EXOC6B: variants seen among roughly 807,000 people sequenced by gnomAD.
EXOC6B encodes SEC15 homolog B.
EXOC6B carries 54 observed loss-of-function variants against 113.5 expected under a neutral mutation model. The observed-to-expected ratio is 0.48, with a 90% CI of 0.38 to 0.60. The LOEUF is 0.60. EXOC6B is among the 20% of genes least tolerant of loss of function. The probability of loss-of-function intolerance (pLI) is 0.00; values close to 1 mark genes in which losing one functional copy is unlikely to be tolerated. For synonymous variants in EXOC6B, 357 were observed against 339.0 expected (o/e 1.05, Z -0.58); for missense variants, 797 against 977.5 (o/e 0.82, Z 2.46).
intron 6 of EXOC6B, among the ~76,000 whole-genome samples, chr2:72,584,787 A>C (rs1392248751): frequency 2.6e-5 from 4 of 152,230 alleles, no homozygotes; most frequent in African/African-American, 9.6e-5. Flanking sequence ...AAAAGAAAAA[A>C]AATTGAAATC....
At chr2:72,742,465 T>G (rs1290759799) in intron 1 of EXOC6B, among the ~76,000 whole-genome samples, 1 of 152,118 alleles carries the variant, frequency 6.6e-6, no homozygotes, top group East Asian at 1.9e-4. Context: ...AAGCACAGCC[T>G]ATACATGTCT....
At chr2:72,700,273 A>ACACACACACACACACAC (rs1558930132) in intron 6 of EXOC6B, among the ~76,000 whole-genome samples, 5 of 36,958 alleles carry the variant, frequency 1.4e-4, no homozygotes, top group African/African-American at 7.8e-4. Flanking sequence ...CACACACACA[A>ACACACACACACACACAC]AGTTATCCGT....
At chr2:72,627,609 A>C (rs1294498863) in intron 6 of EXOC6B, among the ~76,000 whole-genome samples, 1 of 152,212 alleles carries the variant, frequency 6.6e-6, no homozygotes, top group Non-Finnish European at 1.5e-5. Flanking sequence ...GAAGAGTGTT[A>C]TCAGTTTCCA....
intron 2 of EXOC6B, among the ~76,000 whole-genome samples, chr2:72,741,021 G>A (rs1681282735): frequency 6.6e-6 from 1 of 151,688 alleles, no homozygotes; most frequent in African/African-American, 2.4e-5. Flanking sequence ...GGAGAATGGC[G>A]TGAACCCAGG....
intron 1 of EXOC6B, among the ~76,000 whole-genome samples, chr2:72,789,674 G>C (rs1235827418): frequency 6.6e-6 from 1 of 152,072 alleles, no homozygotes; most frequent in East Asian, 1.9e-4. Context: ...ACTACTAACT[G>C]ATGACACCAA....
At chr2:72,692,649 C>G (rs991511539) in intron 6 of EXOC6B, among the ~76,000 whole-genome samples, 1 of 152,168 alleles carries the variant, frequency 6.6e-6, no homozygotes, top group Non-Finnish European at 1.5e-5. Flanking sequence ...CTGCGCCTGG[C>G]CTTTTTCACT....
At chr2:72,719,873 T>C (rs1488572163) in intron 5 of EXOC6B, among the ~76,000 whole-genome samples, 2 of 152,190 alleles carry the variant, frequency 1.3e-5, no homozygotes, top group African/African-American at 2.4e-5. Flanking sequence ...ACATGCTAAA[T>C]ATGAAAGACA....
At chr2:72,652,534 CATT>C (rs1397058251) in intron 6 of EXOC6B, among the ~76,000 whole-genome samples, 1 of 151,784 alleles carries the variant, frequency 6.6e-6, no homozygotes, top group Non-Finnish European at 1.5e-5. Context: ...CAGATTCTGA[CATT>C]AGTTATTTCT....
At chr2:72,366,577 C>T (rs1445252135) in intron 19 of EXOC6B, among the ~76,000 whole-genome samples, 1 of 151,964 alleles carries the variant, frequency 6.6e-6, no homozygotes, top group Admixed American at 6.6e-5. Flanking sequence ...TATAAACTTG[C>T]ATGTCCAAAC....
chr2:72,728,316 T>C (rs1289073929), intron 5 of EXOC6B, among the ~76,000 whole-genome samples: 2 of 152,202 alleles, frequency 1.3e-5, no homozygotes, highest in Non-Finnish European at 2.9e-5. Flanking sequence ...AATCAGAATC[T>C]ATATTTAACT....
intron 20 of EXOC6B, among the ~76,000 whole-genome samples, chr2:72,310,795 A>G (rs953399604): frequency 2.6e-5 from 4 of 151,740 alleles, no homozygotes; most frequent in Admixed American, 6.6e-5. Context: ...AGTAATCACT[A>G]TCATTTATTA....
At chr2:72,287,101 C>G (rs1031378550) in intron 20 of EXOC6B, among the ~76,000 whole-genome samples, 5 of 151,844 alleles carry the variant, frequency 3.3e-5, no homozygotes, top group Admixed American at 2.6e-4. Flanking sequence ...ATTGCTGCTG[C>G]TGTTACTGCT....
chr2:72,456,443 T>C (rs1697239357), intron 18 of EXOC6B, among the ~76,000 whole-genome samples: 1 of 152,160 alleles, frequency 6.6e-6, no homozygotes, highest in Non-Finnish European at 1.5e-5. Context: ...ATGCACTATT[T>C]CATGCAAGCT....
At chr2:72,607,800 AG>A (rs991989000) in intron 6 of EXOC6B, among the ~76,000 whole-genome samples, 3 of 152,168 alleles carry the variant, frequency 2.0e-5, no homozygotes, top group African/African-American at 7.2e-5. Context: ...TGACTTCAGT[AG>A]GGTTTTCAAG....
intron 17 of EXOC6B, among the ~76,000 whole-genome samples, chr2:72,469,103 G>T (rs1698238075): frequency 6.6e-6 from 1 of 151,964 alleles, no homozygotes; most frequent in Non-Finnish European, 1.5e-5. Flanking sequence ...ATCAACTAAA[G>T]TCCCTGGTTT....
At chr2:72,283,047 T>G (rs1333893349) in intron 20 of EXOC6B, among the ~76,000 whole-genome samples, 1 of 152,124 alleles carries the variant, frequency 6.6e-6, no homozygotes, top group Non-Finnish European at 1.5e-5. Context: ...CTATCATGAT[T>G]AACAAACTTG....
chr2:72,681,479 T>C (rs750103747), intron 6 of EXOC6B, among the ~76,000 whole-genome samples: 17 of 152,186 alleles, frequency 1.1e-4, no homozygotes, highest in Non-Finnish European at 1.2e-4. Context: ...AAACCTGATA[T>C]AATAAGGGCT....
chr2:72,420,776 G>A (rs971630229), intron 18 of EXOC6B, among the ~76,000 whole-genome samples: 27 of 152,094 alleles, frequency 1.8e-4, no homozygotes, highest in Admixed American at 3.3e-4. Flanking sequence ...TGGGTCAAAT[G>A]GTATTTCTAG....
intron 6 of EXOC6B, among the ~76,000 whole-genome samples, chr2:72,606,180 T>A (rs765536925): frequency 6.6e-6 from 1 of 152,150 alleles, no homozygotes; most frequent in Non-Finnish European, 1.5e-5. Context: ...CTACATAAAT[T>A]TCAAACAAAA....
Sources: gnomAD v4.1 joint callset for allele counts (sites outside exome capture counted in the v4.1 genomes callset) on GRCh38, gnomAD v4.1.1 for gene constraint, MANE v1.5 for transcripts, NCBI Gene and HGNC (gene_info 2026-07-23, HGNC 2026-07-21) for gene names.